The following PIBF1 variants were observed in gnomAD, a reference collection of about 807,000 sequenced individuals.
The protein encoded by PIBF1 is progesterone-induced-blocking factor 1.
A neutral mutation model predicts 112.5 loss-of-function variants in PIBF1; 90 were observed. The ratio of observed to expected loss-of-function variants is 0.80; its 90% confidence interval spans 0.67 to 0.95. PIBF1 has a LOEUF of 0.95. Ranked by LOEUF, PIBF1 falls within the 40% of genes least tolerant of loss-of-function variation. The probability of loss-of-function intolerance (pLI) is 0.00; values close to 1 mark genes in which losing one functional copy is unlikely to be tolerated. For missense variants in PIBF1, 915 were observed against 852.3 expected, an observed-to-expected ratio of 1.07 and a Z score of -0.92; for synonymous variants, 301 against 288.6, an observed-to-expected ratio of 1.04 and a Z score of -0.44.
chr13:72,896,165 G>A (rs559571762), intron 11 of PIBF1, among the ~76,000 whole-genome samples: 1 of 152,258 alleles, frequency 6.6e-6, no homozygotes, highest in South Asian at 2.1e-4. Context: ...CTGGAGCTGG[G>A]TAGACTCACT....
At chr13:72,931,112 T>C (rs951752368) in intron 13 of PIBF1, 53 bp from the exon 14 acceptor site, 1 of 1,008,678 alleles carries the variant, frequency 9.9e-7, no homozygotes, top group Non-Finnish European at 1.5e-6. Flanking sequence ...ATTTTGAATA[T>C]TTTGGGCAGT....
chr13:72,977,273 C>T (rs1000019577), intron 16 of PIBF1, among the ~76,000 whole-genome samples: 2 of 152,110 alleles, frequency 1.3e-5, no homozygotes, highest in African/African-American at 2.4e-5. Flanking sequence ...GGCGCTATTT[C>T]GGCTCAGCGC....
chr13:72,855,112 C>T (rs2038357066), intron 10 of PIBF1, among the ~76,000 whole-genome samples: 1 of 152,014 alleles, frequency 6.6e-6, no homozygotes, highest in Non-Finnish European at 1.5e-5. Flanking sequence ...GCGTACCGTT[C>T]ACATACTAAT....
chr13:72,851,913 C>T (rs1465777122), intron 9 of PIBF1, among the ~76,000 whole-genome samples: 1 of 152,182 alleles, frequency 6.6e-6, no homozygotes. Flanking sequence ...AGAGAATCTA[C>T]CCACTGTGGG....
At chr13:73,014,613 C>A (rs1312983597) in intron 17 of PIBF1, among the ~76,000 whole-genome samples, 1 of 152,038 alleles carries the variant, frequency 6.6e-6, no homozygotes, top group African/African-American at 2.4e-5. Flanking sequence ...AACAAATGTA[C>A]CATTGTGCTA....
At chr13:72,911,784 AC>A (rs2138670453) in intron 12 of PIBF1, among the ~76,000 whole-genome samples, 1 of 152,292 alleles carries the variant, frequency 6.6e-6, no homozygotes, top group African/African-American at 2.4e-5. Context: ...CATAGATTAA[AC>A]AAAAGAAAAT....
intron 11 of PIBF1, among the ~76,000 whole-genome samples, chr13:72,906,767 A>G (rs1212630613): frequency 6.6e-6 from 1 of 152,086 alleles, no homozygotes; most frequent in Non-Finnish European, 1.5e-5. Flanking sequence ...TTGATTCCTT[A>G]TCTCTAATCA....
chr13:72,896,899 C>A (rs2040302688), intron 11 of PIBF1, among the ~76,000 whole-genome samples: 1 of 152,116 alleles, frequency 6.6e-6, no homozygotes, highest in Non-Finnish European at 1.5e-5. Flanking sequence ...AGGAAAACTT[C>A]CCTGGCCTTG....
Position 72,965,387 on chromosome 13 carries a change from A to G in PIBF1, c.1947A>G (p.Gln649=), listed in dbSNP as rs764228202. 2 of 1,608,702 alleles carry G rather than the reference A, an allele frequency of 1.2e-6. No individual in the cohort carries two copies. The highest frequency in any genetic ancestry group is 1.7e-6 in the Non-Finnish European group (2 of 1,177,796). ...KIDSLTESIA[Q]LEKDVSNLNK... is the part of the protein sequence containing the mutation. ...ATTCACTGACGGAATCTATTGCACAACTTGAGAAAGATGTCAGGTAAACCA... is the reference window on the plus strand; with the variant it reads ...ATTCACTGACGGAATCTATTGCACAGCTTGAGAAAGATGTCAGGTAAACCA... Residue 649 remains glutamine, a synonymous_variant, in exon 15 of 18, where the codon CAA becomes CAG. Transcript: ENST00000326291.
intron 12 of PIBF1, among the ~76,000 whole-genome samples, chr13:72,914,911 C>T (rs2041028848): frequency 6.6e-6 from 1 of 152,140 alleles, no homozygotes; most frequent in Non-Finnish European, 1.5e-5. Flanking sequence ...TTTCCTCTTT[C>T]TTCCCTGAAA....
chr13:72,881,131 T>A (rs955720550), intron 10 of PIBF1: 1 of 152,050 alleles, frequency 6.6e-6, no homozygotes, highest in Admixed American at 6.6e-5. Flanking sequence ...GCTTCATGAT[T>A]TTGTATGTCA....
chr13:72,920,781 T>C (rs1025317098), intron 13 of PIBF1, among the ~76,000 whole-genome samples: 25 of 151,074 alleles, frequency 1.7e-4, no homozygotes, highest in African/African-American at 6.1e-4. Context: ...CTGGGCAACA[T>C]AGAGAGACTC....
At chr13:72,981,207 A>G (rs1245500312) in intron 16 of PIBF1, among the ~76,000 whole-genome samples, 1 of 151,178 alleles carries the variant, frequency 6.6e-6, no homozygotes, top group African/African-American at 2.4e-5. Context: ...AACTGAGATC[A>G]TGCCACTGCA....
chr13:72,954,559 G>A (rs1182815191), intron 14 of PIBF1, among the ~76,000 whole-genome samples: 1 of 152,192 alleles, frequency 6.6e-6, no homozygotes, highest in Non-Finnish European at 1.5e-5. Flanking sequence ...ACATCCTGAT[G>A]CCACTCCTTC....
intron 14 of PIBF1, among the ~76,000 whole-genome samples, chr13:72,934,979 C>CTGTT (rs879489243): frequency 1.8e-4 from 28 of 151,754 alleles, no homozygotes; most frequent in East Asian, 1.6e-3. Flanking sequence ...GTTTGTCTGT[C>CTGTT]TGTTTGTTTG....
intron 3 of PIBF1, 38 bp from the exon 4 acceptor site, chr13:72,795,318 ATAC>A (rs1163462611): frequency 2.4e-6 from 3 of 1,254,528 alleles, no homozygotes; most frequent in Non-Finnish European, 3.4e-6. Flanking sequence ...TAGATCTCAA[ATAC>A]TTTTTTAAAG....
chr13:73,010,271 C>T (rs2044155840), intron 17 of PIBF1, among the ~76,000 whole-genome samples: 1 of 127,714 alleles, frequency 7.8e-6, no homozygotes. Flanking sequence ...CTTTTACCTA[C>T]TAGAGTTCAT....
chr13:72,807,064 A>G (rs1187773527), intron 5 of PIBF1, among the ~76,000 whole-genome samples: 1 of 151,824 alleles, frequency 6.6e-6, no homozygotes, highest in Non-Finnish European at 1.5e-5. Context: ...ATTCATCTAT[A>G]AATAGATACC....
chr13:72,928,566 AG>A (rs1237020673), intron 13 of PIBF1, among the ~76,000 whole-genome samples: 3 of 152,032 alleles, frequency 2.0e-5, no homozygotes, highest in African/African-American at 4.8e-5. Context: ...CAGCCTCCTC[AG>A]TTGCTGGGAT....
Sources: allele counts gnomAD v4.1 joint callset (sites outside exome capture counted in the v4.1 genomes callset), GRCh38; gene constraint gnomAD v4.1.1; transcripts MANE v1.5; gene names NCBI Gene and HGNC (gene_info 2026-07-23, HGNC 2026-07-21).